FRMD4A: variants seen among roughly 807,000 people sequenced by gnomAD.
FRMD4A encodes the protein FERM domain-containing protein 4A.
Under a neutral mutation model 129.1 loss-of-function variants are expected in FRMD4A, and 29 were observed. The observed-to-expected ratio is 0.22, with a 90% confidence interval of 0.17 to 0.31. FRMD4A has a LOEUF of 0.31. Ranked by LOEUF, FRMD4A falls within the 10% of genes least tolerant of loss-of-function variation. The pLI is 1.00. For missense variants in FRMD4A, 1,272 were observed against 1,375.8 expected, an observed-to-expected ratio of 0.92 and a Z score of 1.19; for synonymous variants, 634 against 571.6, an observed-to-expected ratio of 1.11 and a Z score of -1.56.
chr10:13,947,235 C>T (rs1428580390), intron 2 of FRMD4A, among the ~76,000 whole-genome samples: 1 of 152,108 alleles, frequency 6.6e-6, no homozygotes, highest in East Asian at 1.9e-4. Flanking sequence ...TATGGATGCG[C>T]TAGGAGAAAG....
At chr10:14,273,009 A>T (rs893437421) in intron 2 of FRMD4A, among the ~76,000 whole-genome samples, 1 of 152,018 alleles carries the variant, frequency 6.6e-6, no homozygotes, top group African/African-American at 2.4e-5. Flanking sequence ...TGAGCTCAGG[A>T]GTTCAAGACC....
intron 2 of FRMD4A, among the ~76,000 whole-genome samples, chr10:14,229,059 T>C (rs759463220): frequency 1.3e-5 from 2 of 152,076 alleles, no homozygotes; most frequent in Non-Finnish European, 2.9e-5. Context: ...CCTTCAGCAG[T>C]GCTAATGTTG....
At chr10:13,786,103 G>C (rs898417576) in intron 5 of FRMD4A, among the ~76,000 whole-genome samples, 2 of 152,156 alleles carry the variant, frequency 1.3e-5, no homozygotes, top group African/African-American at 4.8e-5. Context: ...TGTCTTTATA[G>C]CAGCATGATT....
At chr10:14,222,355 C>T (rs1240991280) in intron 2 of FRMD4A, among the ~76,000 whole-genome samples, 2 of 152,202 alleles carry the variant, frequency 1.3e-5, no homozygotes, top group Non-Finnish European at 2.9e-5. Context: ...GAGGTGCTCT[C>T]TAGCGTGCGA....
Position 13,739,639 on chromosome 10 carries a change from C to T in FRMD4A, c.672+555G>A, listed in dbSNP as rs367545206. On this transcript the variant is annotated intron_variant, in intron 11 of 24. Coordinates refer to ENST00000357447, the MANE Select transcript of FRMD4A (RefSeq NM_018027.5). ...CTTGGAAGGCAGAAAGCATATATAT[C>T]AGAGGCAGCCTTTCTGTTAAGTTCT... Among the ~76,000 whole-genome samples, 78 of 152,316 alleles carry T rather than the reference C, an allele frequency of 5.1e-4. 1 individual carries two copies. The highest frequency in any genetic ancestry group is 1.8e-3 in the African/African-American group (74 of 41,562).
intron 5 of FRMD4A, among the ~76,000 whole-genome samples, chr10:13,795,337 T>C (rs1388635171): frequency 6.6e-6 from 1 of 152,234 alleles, no homozygotes; most frequent in Non-Finnish European, 1.5e-5. Context: ...TAAGATGAGC[T>C]TGGATATGTT....
chr10:13,884,196 T>TCTCA (rs1491053794), intron 2 of FRMD4A, among the ~76,000 whole-genome samples: 3 of 108,532 alleles, frequency 2.8e-5, no homozygotes, highest in African/African-American at 7.2e-5. Flanking sequence ...ACACACACAC[T>TCTCA]CACACACACA....
chr10:14,029,709 G>A (rs912102264), intron 2 of FRMD4A, among the ~76,000 whole-genome samples: 2 of 151,188 alleles, frequency 1.3e-5, no homozygotes, highest in Non-Finnish European at 2.9e-5. Context: ...CTAAGTAGAA[G>A]TTTAATCCAA....
chr10:14,260,321 A>G (rs1166095212), intron 2 of FRMD4A, among the ~76,000 whole-genome samples: 1 of 152,210 alleles, frequency 6.6e-6, no homozygotes. Flanking sequence ...GCAGAGTTTT[A>G]GTTCCCACAA....
chr10:14,221,085 G>T lies in FRMD4A; in HGVS notation c.45+108973C>A, dbSNP rs906122479. 9.2e-5 allele frequency among the ~76,000 whole-genome samples: 14 copies of T among 152,274 alleles called. 1 individual carries two copies. The highest frequency in any genetic ancestry group is 9.2e-4 in the Admixed American group (14 of 15,294). ...AGGAAAGACTTCCTGAATAAACATG[G>T]AGAACATGCAGCGAATGGTGGCAAG... On this transcript the variant is annotated intron_variant, in intron 2 of 24. Coordinates refer to ENST00000357447, the MANE Select transcript of FRMD4A (RefSeq NM_018027.5).
intron 2 of FRMD4A, chr10:13,866,334 G>A: frequency 3.2e-6 from 3 of 943,746 alleles, no homozygotes; most frequent in Non-Finnish European, 3.8e-6. Flanking sequence ...ATGCGGGACA[G>A]CAGCCCCTCA....
chr10:14,243,777 T>A (rs1451456232), intron 2 of FRMD4A, among the ~76,000 whole-genome samples: 1 of 150,564 alleles, frequency 6.6e-6, no homozygotes, highest in Non-Finnish European at 1.5e-5. Flanking sequence ...GCTATTAAAC[T>A]GAACACTTAA....
At chr10:14,020,244 G>C (rs1047973597) in intron 2 of FRMD4A, among the ~76,000 whole-genome samples, 3 of 152,206 alleles carry the variant, frequency 2.0e-5, no homozygotes, top group Non-Finnish European at 4.4e-5. Context: ...GCAGCAGCCA[G>C]AGACGCCCCA....
chr10:14,131,700 G>A (rs566311082), intron 2 of FRMD4A, among the ~76,000 whole-genome samples: 3 of 152,238 alleles, frequency 2.0e-5, no homozygotes, highest in African/African-American at 7.2e-5. Flanking sequence ...AGGAAACAGA[G>A]GCAAACAAGA....
intron 2 of FRMD4A, among the ~76,000 whole-genome samples, chr10:14,020,783 G>A (rs973200819): frequency 6.6e-6 from 1 of 152,156 alleles, no homozygotes; most frequent in Non-Finnish European, 1.5e-5. Context: ...GGCAGGGAGT[G>A]AAGGCTGTGC....
chr10:13,698,848 T>C (rs900637301), intron 14 of FRMD4A, among the ~76,000 whole-genome samples: 1 of 152,196 alleles, frequency 6.6e-6, no homozygotes, highest in Non-Finnish European at 1.5e-5. Context: ...CTGGTTCCTG[T>C]GAGAAGTGTG....
chr10:13,858,702 C>G, intron 3 of FRMD4A, 145 bp downstream of exon 3: 1 of 681,850 alleles, frequency 1.5e-6, no homozygotes, highest in Non-Finnish European at 2.7e-6. Context: ...ACAAAACACC[C>G]TGGTGGGTCC....
chr10:13,887,915 G>A (rs1416578818), intron 2 of FRMD4A, among the ~76,000 whole-genome samples: 3 of 152,130 alleles, frequency 2.0e-5, no homozygotes, highest in Non-Finnish European at 2.9e-5. Context: ...ATGAGACAAC[G>A]GAAAGGGTGG....
Position 13,705,467 on chromosome 10 carries a change from G to A in FRMD4A, c.836+1570C>T, listed in dbSNP as rs545136915. ...GCGGAGGGTCTATTCCCTGCGCTCA[G>A]CCCCTTAGATTACCCAGCCCCTCAT... On this transcript the variant is annotated intron_variant, in intron 13 of 24. Coordinates refer to ENST00000357447, the MANE Select transcript of FRMD4A (RefSeq NM_018027.5). 5.9e-5 allele frequency among the ~76,000 whole-genome samples: 9 copies of A among 152,284 alleles called. No homozygotes were observed. In the East Asian group the frequency reaches 1.7e-3, roughly 29 times the overall value.
Sources: gnomAD v4.1 joint callset for allele counts (sites outside exome capture counted in the v4.1 genomes callset) on GRCh38, gnomAD v4.1.1 for gene constraint, MANE v1.5 for transcripts, NCBI Gene and HGNC (gene_info 2026-07-23, HGNC 2026-07-21) for gene names.